KLHL25: variants seen among roughly 807,000 people sequenced by gnomAD.
The protein encoded by KLHL25 is kelch like family member 25.
Under a neutral mutation model 30.0 loss-of-function variants are expected in KLHL25, and 41 were observed. The ratio of observed to expected loss-of-function variants is 1.37; its 90% CI spans 1.07 to 1.78. KLHL25 has a LOEUF of 1.78. Among genes scored for constraint, KLHL25 ranks in the 40% most tolerant of loss-of-function variants. The probability of loss-of-function intolerance (pLI) is 0.00; values close to 1 mark genes in which losing one functional copy is unlikely to be tolerated. For missense variants in KLHL25, 971 were observed against 824.5 expected, an observed-to-expected ratio of 1.18 and a Z score of -2.18; for synonymous variants, 399 against 355.3, an observed-to-expected ratio of 1.12 and a Z score of -1.38.
At chr15:85,773,419 C>T (rs910091922) in intron 1 of KLHL25, among the ~76,000 whole-genome samples, 26 of 152,324 alleles carry the variant, frequency 1.7e-4, no homozygotes, top group African/African-American at 6.0e-4. Context: ...GTGGTAAACG[C>T]GTGTCATTTT....
chr15:85,794,214 C>T (rs796261453), intron 1 of KLHL25, among the ~76,000 whole-genome samples: 4 of 152,326 alleles, frequency 2.6e-5, no homozygotes, highest in African/African-American at 9.6e-5. Flanking sequence ...CTGGACAGTT[C>T]TGCAAACCGA....
intron 1 of KLHL25, among the ~76,000 whole-genome samples, chr15:85,776,658 G>A (rs991290525): frequency 1.3e-5 from 2 of 152,102 alleles, no homozygotes; most frequent in Non-Finnish European, 2.9e-5. Flanking sequence ...GGGCACGGTG[G>A]CTCACGCCTG....
intron 1 of KLHL25, among the ~76,000 whole-genome samples, chr15:85,771,426 G>A (rs750478930): frequency 1.3e-5 from 2 of 152,204 alleles, no homozygotes; most frequent in African/African-American, 2.4e-5. Context: ...TAATAATCTG[G>A]TAAAGGTAGG....
intron 2 of KLHL25, among the ~76,000 whole-genome samples, chr15:85,766,137 C>T (rs1479308654): frequency 2.0e-5 from 3 of 152,344 alleles, no homozygotes; most frequent in Middle Eastern, 3.4e-3. Context: ...ATGTTTAGCT[C>T]GGGCCAGCTC....
chr15:85,779,761 A>G (rs1260781831), intron 1 of KLHL25, among the ~76,000 whole-genome samples: 1 of 152,192 alleles, frequency 6.6e-6, no homozygotes, highest in Non-Finnish European at 1.5e-5. Context: ...AGCCTTCTGG[A>G]GCCCTCAGGA....
intron 1 of KLHL25, among the ~76,000 whole-genome samples, chr15:85,791,889 C>T (rs1193421970): frequency 3.3e-5 from 5 of 152,188 alleles, no homozygotes; most frequent in African/African-American, 1.2e-4. Flanking sequence ...GAACCCCAGT[C>T]TGGTGCCAAA....
intron 1 of KLHL25, among the ~76,000 whole-genome samples, chr15:85,775,861 G>A (rs568039349): frequency 1.1e-3 from 99 of 89,086 alleles, no homozygotes; most frequent in Non-Finnish European, 1.5e-3. Flanking sequence ...TCAATGGCTC[G>A]TTTAAAAAAA....
At chr15:85,776,545 T>G (rs117254097) in intron 1 of KLHL25, among the ~76,000 whole-genome samples, 2,094 of 152,232 alleles carry the variant, frequency 0.014, 16 homozygotes, top group Middle Eastern at 0.037. Flanking sequence ...ATTGTATAGA[T>G]CTTGTTATTT....
intron 1 of KLHL25, among the ~76,000 whole-genome samples, chr15:85,780,188 G>A (rs543555696): frequency 7.2e-5 from 11 of 152,304 alleles, no homozygotes; most frequent in African/African-American, 2.4e-4. Context: ...GGAGTCATCT[G>A]CAAGCCCAGC....
intron 1 of KLHL25, among the ~76,000 whole-genome samples, chr15:85,781,285 G>T (rs917646400): frequency 1.3e-5 from 2 of 152,188 alleles, no homozygotes; most frequent in Non-Finnish European, 2.9e-5. Flanking sequence ...TTACCCATGT[G>T]TGATTCTGTA....
At chr15:85,778,859 G>A (rs1247477689) in intron 1 of KLHL25, among the ~76,000 whole-genome samples, 2 of 152,176 alleles carry the variant, frequency 1.3e-5, no homozygotes, top group African/African-American at 4.8e-5. Flanking sequence ...ATCCCGAAGA[G>A]GATTAAGCTC....
At chr15:85,771,546 T>G (rs968210918) in intron 1 of KLHL25, among the ~76,000 whole-genome samples, 1 of 152,210 alleles carries the variant, frequency 6.6e-6, no homozygotes, top group Non-Finnish European at 1.5e-5. Context: ...CTGACGAGAT[T>G]AGAGCTAGCA....
At position 85,789,386 on chromosome 15, in the gene KLHL25, C is replaced by G. The variant is rs1006808111; in HGVS notation, c.-11+5380G>C. 7.3e-6 allele frequency among the ~76,000 whole-genome samples: 1 copy of G among 136,442 alleles called. No individual in the cohort carries two copies. The highest frequency in any genetic ancestry group is 2.6e-5 in the African/African-American group (1 of 39,192). 89.5% of individuals were successfully genotyped at this position (136,442 alleles called of 152,430 possible). A position where few individuals can be genotyped will look rare whatever the true frequency, so the allele number is the denominator to read the frequency against. On this transcript the variant is annotated intron_variant, in intron 1 of 2. Coordinates refer to ENST00000337975, the MANE Select transcript of KLHL25 (RefSeq NM_022480.4). This position sits in a 1 kb window ranked among gnomAD's most constrained non-coding sequence, Gnocchi z 4.1. ...TGCCCTGCTGGGCTCCCTTGAGATC[C>G]CTTTTTTTTTTTTTGACAGAATTTT... is the stretch of plus-strand genomic sequence containing the variant.
At chr15:85,793,690 T>A (rs1456033494) in intron 1 of KLHL25, among the ~76,000 whole-genome samples, 1 of 152,218 alleles carries the variant, frequency 6.6e-6, no homozygotes, top group Non-Finnish European at 1.5e-5. Context: ...CTGGTGCTAC[T>A]GCTAACTTCC....
chr15:85,775,079 G>GT (rs1234147330), intron 1 of KLHL25, among the ~76,000 whole-genome samples: 2 of 152,084 alleles, frequency 1.3e-5, no homozygotes, highest in Non-Finnish European at 1.5e-5. Flanking sequence ...GTTTCACCAT[G>GT]TTGGCCAGGC....
At chr15:85,776,905 AC>A (rs761399592) in intron 1 of KLHL25, among the ~76,000 whole-genome samples, 5 of 151,776 alleles carry the variant, frequency 3.3e-5, no homozygotes, top group Non-Finnish European at 5.9e-5. Context: ...AGCCTGGGGG[AC>A]ACAGCAAGAC....
Position 85,787,928 on chromosome 15 carries a change from G to A in KLHL25, c.-11+6838C>T, listed in dbSNP as rs1282689715. On this transcript the variant is annotated intron_variant, in intron 1 of 2. Transcript: ENST00000337975. ...AAAGGAAATCCTAGCTGGGCGTGGT[G>A]GCTTGCGCCTGTAATCCCAGCTACT... 2.6e-5 allele frequency among the ~76,000 whole-genome samples: 4 copies of A among 151,760 alleles called. No individual in the cohort carries two copies. In the East Asian group the frequency reaches 7.8e-4, roughly 29 times the overall value.
chr15:85,788,897 C>T (rs16944522), intron 1 of KLHL25, among the ~76,000 whole-genome samples: 13,558 of 152,202 alleles, frequency 0.089, 667 homozygotes, highest in Non-Finnish European at 0.11. Context: ...ACATGAACTC[C>T]GGACAATGGA....
intron 1 of KLHL25, among the ~76,000 whole-genome samples, chr15:85,780,631 G>A (rs1017684478): frequency 6.6e-6 from 1 of 152,236 alleles, no homozygotes; most frequent in Non-Finnish European, 1.5e-5. Context: ...CTTACTGGTA[G>A]TGAATTTCTT....
Sources: gnomAD v4.1 joint callset for allele counts (sites outside exome capture counted in the v4.1 genomes callset) on GRCh38, gnomAD v4.1.1 for gene constraint, Gnocchi (gnomAD v3.1) non-coding constraint, MANE v1.5 for transcripts, NCBI Gene and HGNC (gene_info 2026-07-23, HGNC 2026-07-21) for gene names.